The following RANBP2 variants were observed in gnomAD, a reference collection of about 807,000 sequenced individuals.
The protein encoded by RANBP2 is E3 SUMO-protein ligase RanBP2.
RANBP2 carries 57 observed loss-of-function variants against 303.6 expected under a neutral mutation model. The observed-to-expected ratio is 0.19, with a 90% CI of 0.15 to 0.23. The LOEUF (loss-of-function observed/expected upper bound fraction) is 0.23. RANBP2 is among the 10% of genes least tolerant of loss of function. The probability of loss-of-function intolerance (pLI) is 1.00; values close to 1 mark genes in which losing one functional copy is unlikely to be tolerated. For missense variants in RANBP2, 3,138 were observed against 3,780.8 expected (o/e 0.83, Z 4.46); for synonymous variants, 1,167 against 1,301.5 (o/e 0.90, Z 2.23).
the RANBP2 span, among the ~76,000 whole-genome samples, chr2:108,829,348 A>G: frequency 0.022 from 3,307 of 152,338 alleles, 114 homozygotes; most frequent in African/African-American, 0.076. Context: ...CTATTTCTCC[A>G]AAGATAAAGA....
chr2:108,931,729 C>CT, the RANBP2 span, among the ~76,000 whole-genome samples: 150 of 150,030 alleles, frequency 1.0e-3, no homozygotes, highest in Middle Eastern at 0.01. Context: ...GTTTTTTTTT[C>CT]TTTTTTTTTG....
chr2:109,604,099 T>G, the RANBP2 span, among the ~76,000 whole-genome samples: 3 of 147,494 alleles, frequency 2.0e-5, no homozygotes, highest in Non-Finnish European at 3.0e-5. Context: ...GAGGTGGAGA[T>G]TGCAGTGAGC....
At chr2:108,826,689 C>G in the RANBP2 span, among the ~76,000 whole-genome samples, 1 of 152,168 alleles carries the variant, frequency 6.6e-6, no homozygotes, top group South Asian at 2.1e-4. Context: ...AAGTGTGAAT[C>G]TTCCAACTTT....
the RANBP2 span, among the ~76,000 whole-genome samples, chr2:109,423,404 G>A: frequency 8.5e-5 from 13 of 152,094 alleles, no homozygotes; most frequent in South Asian, 4.1e-4. Flanking sequence ...CCATTTGTGC[G>A]TGTGGTCAAA....
intron 9 of RANBP2, among the ~76,000 whole-genome samples, chr2:108,749,670 A>G (rs1236596513): frequency 6.6e-6 from 1 of 152,094 alleles, no homozygotes. Flanking sequence ...TAGGTCACTG[A>G]TACCTTGAAC....
At chr2:109,699,789 G>C in the RANBP2 span, among the ~76,000 whole-genome samples, 1 of 152,148 alleles carries the variant, frequency 6.6e-6, no homozygotes, top group Non-Finnish European at 1.5e-5. Flanking sequence ...TTTTCTCTCA[G>C]CTTCTCGGCT....
the RANBP2 span, among the ~76,000 whole-genome samples, chr2:109,223,684 C>T: frequency 1.3e-5 from 2 of 152,202 alleles, no homozygotes; most frequent in Admixed American, 6.5e-5. Flanking sequence ...TTCTGCCCCC[C>T]ACGTGATGCT....
the RANBP2 span, among the ~76,000 whole-genome samples, chr2:109,407,857 G>C: frequency 6.6e-6 from 1 of 152,306 alleles, no homozygotes; most frequent in Non-Finnish European, 1.5e-5. Context: ...TGGGGACAGA[G>C]GACACCGTGG....
At chr2:109,119,061 C>T in the RANBP2 span, among the ~76,000 whole-genome samples, 1 of 152,190 alleles carries the variant, frequency 6.6e-6, no homozygotes, top group African/African-American at 2.4e-5. Flanking sequence ...AGGCATCGTC[C>T]TAGGTGCAAT....
the RANBP2 span, among the ~76,000 whole-genome samples, chr2:109,335,941 G>T: frequency 2.0e-5 from 3 of 152,194 alleles, no homozygotes; most frequent in African/African-American, 4.8e-5. Context: ...ACACTTGGGG[G>T]CTGGGAGTGG....
chr2:108,866,166 G>A, the RANBP2 span, among the ~76,000 whole-genome samples: 1 of 152,170 alleles, frequency 6.6e-6, no homozygotes, highest in African/African-American at 2.4e-5. Flanking sequence ...GGGGATTGTT[G>A]TGGAATCAGT....
chr2:108,733,395 A>C (rs1695335334), intron 4 of RANBP2, among the ~76,000 whole-genome samples: 1 of 151,180 alleles, frequency 6.6e-6, no homozygotes, highest in African/African-American at 2.4e-5. Flanking sequence ...GGCCTCCCAA[A>C]GTGCTGGGAT....
At chr2:109,560,642 T>G in the RANBP2 span, among the ~76,000 whole-genome samples, 1 of 152,228 alleles carries the variant, frequency 6.6e-6, no homozygotes, top group African/African-American at 2.4e-5. Context: ...GTCACTTTGC[T>G]GTTTCAGAGG....
the RANBP2 span, among the ~76,000 whole-genome samples, chr2:108,943,796 C>T: frequency 6.6e-6 from 1 of 152,024 alleles, no homozygotes; most frequent in Non-Finnish European, 1.5e-5. Flanking sequence ...TGTGTTGCTC[C>T]GCAGCACACC....
At chr2:108,742,307 C>A (rs1211892178) in intron 7 of RANBP2, among the ~76,000 whole-genome samples, 1 of 150,892 alleles carries the variant, frequency 6.6e-6, no homozygotes, top group Admixed American at 6.6e-5. Flanking sequence ...TAATATAAAT[C>A]TTTTTATTTT....
the RANBP2 span, among the ~76,000 whole-genome samples, chr2:109,203,632 C>T: frequency 6.6e-6 from 1 of 152,138 alleles, no homozygotes; most frequent in Non-Finnish European, 1.5e-5. Context: ...CATCGTGGCC[C>T]TGTCTCTGTG....
chr2:109,106,357 A>G, the RANBP2 span, among the ~76,000 whole-genome samples: 21 of 152,240 alleles, frequency 1.4e-4, no homozygotes, highest in African/African-American at 4.3e-4. Context: ...CGTTTAAGAA[A>G]TGTCCTGTGC....
chr2:108,986,810 A>G, the RANBP2 span, among the ~76,000 whole-genome samples: 2 of 152,290 alleles, frequency 1.3e-5, no homozygotes, highest in African/African-American at 4.8e-5. Flanking sequence ...GCAATATACG[A>G]ATTCAGTAAG....
the RANBP2 span, among the ~76,000 whole-genome samples, chr2:109,387,869 T>C: frequency 1.5e-5 from 2 of 134,236 alleles, no homozygotes; most frequent in Non-Finnish European, 3.2e-5. Context: ...GGGGGGGGGG[T>C]CTCCTCCCCC....
Sources: allele counts gnomAD v4.1 joint callset (sites outside exome capture counted in the v4.1 genomes callset), GRCh38; gene constraint gnomAD v4.1.1; transcripts MANE v1.5; gene names NCBI Gene and HGNC (gene_info 2026-07-23, HGNC 2026-07-21).